Variants in DIP2A observed in about 807,000 individuals in gnomAD.
DIP2A encodes the protein disco-interacting protein 2 homolog A.
In DIP2A, 85 loss-of-function variants were observed where a neutral mutation model predicts 177.4. The observed-to-expected ratio is 0.48, with a 90% CI of 0.40 to 0.57. The LOEUF (loss-of-function observed/expected upper bound fraction) is 0.57. Among genes scored for constraint, DIP2A ranks in the 20% least tolerant of loss-of-function variants. The pLI is 0.00. For missense variants in DIP2A, 1,791 were observed against 2,100.2 expected, an observed-to-expected ratio of 0.85 and a Z score of 2.88; for synonymous variants, 886 against 881.8, an observed-to-expected ratio of 1.00 and a Z score of -0.08.
In DIP2A at chr21:46,459,006, C is replaced by T. The variant is rs1849770594; in HGVS notation, c.-126C>T. ...TCCTGGCCGCGCCCCTGTCCCGCCG[C>T]CTCCCGCTCCTCGCCTGGCGGATGT... On this transcript the variant is annotated 5_prime_UTR_variant, in exon 1 of 38. Transcript: ENST00000417564. The T allele has an allele frequency of 1.3e-6, 1 of 776,026 alleles. No homozygotes were observed. Among genetic ancestry groups the T allele is most frequent in the East Asian group, 3.5e-5 (1 of 28,896 alleles). 48.1% of individuals were successfully genotyped at this position (776,026 alleles called of 1,614,324 possible).
At chr21:46,464,336 T>C (rs1601305576) in intron 1 of DIP2A, among the ~76,000 whole-genome samples, 1 of 152,056 alleles carries the variant, frequency 6.6e-6, no homozygotes, top group South Asian at 2.1e-4. Flanking sequence ...GAGGTTGCAG[T>C]GAGCCGAGAT....
At chr21:46,577,222 T>G in the DIP2A span, among the ~76,000 whole-genome samples, 1 of 152,216 alleles carries the variant, frequency 6.6e-6, no homozygotes, top group Admixed American at 6.5e-5. Context: ...ATGTCCTGAA[T>G]GGTATTGCCT....
In DIP2A at chr21:46,537,204, CCTT is replaced by C. The variant is rs2059609600; in HGVS notation, c.1643-16_1643-14del. The C allele has an allele frequency of 1.9e-6, 3 of 1,613,814 alleles. No individual in the cohort carries two copies. The highest frequency in any genetic ancestry group is 2.7e-5 in the African/African-American group (2 of 74,918). ...TTGAGAGGGTTGCTCAGTGGTGTCACCTTCTTTGTCCACTTGCAGCTGAAACAT... is the reference window on the plus strand; with the variant it reads ...TTGAGAGGGTTGCTCAGTGGTGTCACCTTTGTCCACTTGCAGCTGAAACAT... On this transcript the variant is annotated splice_polypyrimidine_tract_variant and intron_variant, in intron 13 of 37. Transcript: ENST00000417564. The surrounding 1 kb of genome is among the most constrained non-coding windows in gnomAD (Gnocchi z 4.1).
intron 8 of DIP2A, among the ~76,000 whole-genome samples, chr21:46,515,379 A>G (rs967494628): frequency 6.6e-6 from 1 of 151,494 alleles, no homozygotes; most frequent in African/African-American, 2.4e-5. Flanking sequence ...TTTATTCTTT[A>G]GTAATCCTTT....
intron 21 of DIP2A, among the ~76,000 whole-genome samples, chr21:46,549,313 G>A (rs2060181469): frequency 6.6e-6 from 1 of 152,094 alleles, no homozygotes; most frequent in Non-Finnish European, 1.5e-5. Flanking sequence ...GAAGGAAAAG[G>A]CAACACAGAA....
rs117311752 is a variant in DIP2A, at chr21:46,563,391, G to A, written c.4090-467G>A. ...AGGTAAGAGATGGTGGCCTCTTGCC[G>A]TCCTGAATTGGCACAGAGCCAGTGC... On this transcript the variant is annotated intron_variant, in intron 34 of 37. Coordinates refer to ENST00000417564, the MANE Select transcript of DIP2A (RefSeq NM_015151.4). This position sits in a 1 kb window ranked among gnomAD's most constrained non-coding sequence, Gnocchi z 4.3. Among the ~76,000 whole-genome samples, 1,569 of 152,314 alleles carry A rather than the reference G, an allele frequency of 0.01. 12 individuals are homozygous for A. The highest frequency in any genetic ancestry group is 0.016 in the Non-Finnish European group (1,094 of 68,032).
At chr21:46,491,586 A>G (rs1277215867) in intron 3 of DIP2A, among the ~76,000 whole-genome samples, 1 of 152,168 alleles carries the variant, frequency 6.6e-6, no homozygotes, top group Non-Finnish European at 1.5e-5. Context: ...TATTATACCA[A>G]ATTTAAGGAC....
At chr21:46,521,571 T>C (rs189131929) in intron 8 of DIP2A, among the ~76,000 whole-genome samples, 15 of 152,348 alleles carry the variant, frequency 9.8e-5, no homozygotes, top group Admixed American at 9.8e-4. Context: ...ATTATTGATG[T>C]CAAACCCAAT....
chr21:46,533,730 C>A, intron 11 of DIP2A, 83 bp downstream of exon 11: 1 of 1,576,380 alleles, frequency 6.3e-7, no homozygotes, highest in Non-Finnish European at 8.6e-7. Context: ...TTAAACATGA[C>A]AGAGGTGTCT....
chr21:46,531,884 C>T (rs1422782264), intron 9 of DIP2A, among the ~76,000 whole-genome samples: 1 of 152,146 alleles, frequency 6.6e-6, no homozygotes, highest in African/African-American at 2.4e-5. Context: ...AATATAGATA[C>T]AGCTTAAATT....
intron 22 of DIP2A, 94 bp downstream of exon 22, chr21:46,549,979 G>C (rs926793445): frequency 6.4e-7 from 1 of 1,569,190 alleles, no homozygotes; most frequent in East Asian, 2.3e-5. Context: ...TGTCCCGCCC[G>C]GTCCTCCCTG....
chr21:46,547,313 AG>A (rs2060093836), intron 21 of DIP2A: 1 of 885,736 alleles, frequency 1.1e-6, no homozygotes, highest in Non-Finnish European at 1.5e-6. Context: ...CAAATCAGGG[AG>A]GGAAGAATTG....
chr21:46,554,744 A>G (rs1171578684), intron 27 of DIP2A, 48 bp downstream of exon 27: 24 of 1,548,242 alleles, frequency 1.6e-5, no homozygotes, highest in Non-Finnish European at 2.1e-5. Context: ...GGGAGGCTGC[A>G]AGGCTGCCCT....
At chr21:46,527,082 CTG>C (rs1459734503) in intron 8 of DIP2A, among the ~76,000 whole-genome samples, 3 of 152,128 alleles carry the variant, frequency 2.0e-5, no homozygotes, top group Non-Finnish European at 2.9e-5. Flanking sequence ...ATGATTTAAA[CTG>C]TTTTTCTTTT....
chr21:46,541,083 A>G (rs954944807), intron 17 of DIP2A, among the ~76,000 whole-genome samples: 3 of 151,420 alleles, frequency 2.0e-5, no homozygotes, highest in Non-Finnish European at 4.4e-5. Context: ...ATTGTCGTCT[A>G]CAAACTATAA....
rs1302105107 is a variant in DIP2A, at chr21:46,496,995, C to T, written c.291C>T (p.His97=). Residue 97 remains histidine (H), a synonymous_variant, in exon 4 of 38, where the codon CAC becomes CAT. Coordinates refer to ENST00000417564, the MANE Select transcript of DIP2A (RefSeq NM_015151.4). Reference sequence around the variant, plus strand: ...GCTGTCCTTCCTGTGTAGATGTCCACACTGAAGCCGTGCAAGCAGCTTTGG... The same window carrying T: ...GCTGTCCTTCCTGTGTAGATGTCCATACTGAAGCCGTGCAAGCAGCTTTGG... ...SRDERFRSDV[H]TEAVQAALAK... 1 of 1,595,316 alleles carries T rather than the reference C, an allele frequency of 6.3e-7. No homozygotes were observed. The highest frequency in any genetic ancestry group is 1.7e-5 in the Admixed American group (1 of 58,240).
chr21:46,495,239 C>CTTCTCTTCTCTTCTCTTCTCTTCT (rs1568967556), intron 3 of DIP2A, among the ~76,000 whole-genome samples: 1 of 46,344 alleles, frequency 2.2e-5, no homozygotes, highest in Non-Finnish European at 3.8e-5. Flanking sequence ...CTTCTCTTCT[C>CTTCTCTTCTCTTCTCTTCTCTTCT]TTCTTTCTCT....
chr21:46,551,468 C>G (rs893512571), intron 23 of DIP2A, among the ~76,000 whole-genome samples, 166 bp from the exon 24 acceptor site: 2 of 151,606 alleles, frequency 1.3e-5, no homozygotes, highest in African/African-American at 2.4e-5. Context: ...TTCTCTTTGT[C>G]ACTTAGCATA....
At chr21:46,503,583 C>CCTT (rs1432257238) in intron 5 of DIP2A, among the ~76,000 whole-genome samples, 11 of 112,342 alleles carry the variant, frequency 9.8e-5, no homozygotes, top group African/African-American at 3.9e-4. Flanking sequence ...TTCCTTCCTT[C>CCTT]CTTCCTTCCT....
Sources: gnomAD v4.1 joint callset for allele counts (sites outside exome capture counted in the v4.1 genomes callset) on GRCh38, gnomAD v4.1.1 for gene constraint, Gnocchi (gnomAD v3.1) non-coding constraint, MANE v1.5 for transcripts, NCBI Gene and HGNC (gene_info 2026-07-23, HGNC 2026-07-21) for gene names.